NBEA: variants seen among roughly 807,000 people sequenced by gnomAD.
The protein encoded by NBEA is neurobeachin.
In NBEA, 44 loss-of-function variants were observed where a neutral mutation model predicts 343.4. The ratio of observed to expected loss-of-function variants is 0.13; its 90% confidence interval spans 0.10 to 0.16. NBEA has a LOEUF of 0.16. Ranked by LOEUF, NBEA falls within the 10% of genes least tolerant of loss-of-function variation. The pLI is 1.00. For synonymous variants in NBEA, 1,175 were observed against 1,238.7 expected (o/e 0.95, Z 1.08); for missense variants, 2,555 against 3,631.3 (o/e 0.70, Z 7.62).
intron 47 of NBEA, 77 bp from the exon 48 acceptor site, chr13:35,606,346 TTAA>T (rs2082279731): frequency 7.1e-6 from 5 of 706,202 alleles, no homozygotes; most frequent in Non-Finnish European, 1.0e-5. Context: ...CCATTTATAG[TTAA>T]TAAGTTATAA....
intron 5 of NBEA, among the ~76,000 whole-genome samples, chr13:35,049,968 A>G (rs1488916093): frequency 2.0e-5 from 3 of 151,840 alleles, no homozygotes; most frequent in Admixed American, 2.0e-4. Context: ...CTGATTGCAA[A>G]TGGTCCTTAA....
intron 30 of NBEA, among the ~76,000 whole-genome samples, chr13:35,188,140 C>CT (rs1185466882): frequency 6.6e-6 from 1 of 151,590 alleles, no homozygotes; most frequent in Non-Finnish European, 1.5e-5. Flanking sequence ...TCATAACTAA[C>CT]TTTTTTTTAG....
intron 34 of NBEA, among the ~76,000 whole-genome samples, chr13:35,272,829 T>A (rs771880857): frequency 6.6e-6 from 1 of 152,086 alleles, no homozygotes; most frequent in Non-Finnish European, 1.5e-5. Context: ...ACGTGCCCAA[T>A]ATAGGAGCAC....
In NBEA at chr13:35,517,363, C is replaced by T. The variant is rs1333821793; in HGVS notation, c.6586-33114C>T. Among the ~76,000 whole-genome samples the T allele has an allele frequency of 3.3e-5, 5 of 152,202 alleles. No homozygotes were observed. In the East Asian group the frequency reaches 9.6e-4, roughly 29 times the overall value. On this transcript the variant is annotated intron_variant, in intron 41 of 58. Transcript: ENST00000379939. The stretch of plus-strand genomic sequence containing the variant: ...CCCAAAGGTACTTCTCTAGTCTTGT[C>T]TTCCTTCTACAGCTCTATATTCTTA...
chr13:35,386,133 G>A (rs2042232841), intron 38 of NBEA, among the ~76,000 whole-genome samples: 1 of 151,972 alleles, frequency 6.6e-6, no homozygotes, highest in Non-Finnish European at 1.5e-5. Context: ...CTGTCAATTT[G>A]GAAGATTTTT....
At chr13:35,589,026 A>G (rs929229424) in intron 46 of NBEA, among the ~76,000 whole-genome samples, 20 of 152,146 alleles carry the variant, frequency 1.3e-4, no homozygotes, top group Admixed American at 5.2e-4. Flanking sequence ...CAAGTGTTGT[A>G]ACTAAAACCA....
intron 2 of NBEA, among the ~76,000 whole-genome samples, chr13:35,041,412 A>G (rs1018968264): frequency 1.9e-4 from 29 of 152,066 alleles, no homozygotes. Context: ...TCTCAGTACC[A>G]TGGAGTGCTA....
intron 1 of NBEA, among the ~76,000 whole-genome samples, chr13:34,956,542 A>C (rs531405034): frequency 3.4e-4 from 51 of 152,230 alleles, no homozygotes; most frequent in African/African-American, 1.2e-3. Context: ...TTGACACATA[A>C]TTGTATGTAT....
At chr13:35,547,804 G>A (rs1181818059) in intron 41 of NBEA, among the ~76,000 whole-genome samples, 3 of 152,038 alleles carry the variant, frequency 2.0e-5, no homozygotes, top group African/African-American at 4.8e-5. Context: ...CAGGAGAATC[G>A]CTTGAACACA....
At position 35,207,450 on chromosome 13, in the gene NBEA, A is replaced by G. The variant is rs547889094; in HGVS notation, c.5367-1250A>G. ...ATCATAAATCTATTTGTAGATGAAT[A>G]AATTCTGTGATGGTTGAGTAAGGTT... On this transcript the variant is annotated intron_variant, in intron 31 of 58. Coordinates refer to ENST00000379939, the MANE Select transcript of NBEA (RefSeq NM_001385012.1). 3.9e-5 allele frequency among the ~76,000 whole-genome samples: 6 copies of G among 152,268 alleles called. No homozygotes were observed. In the South Asian group the frequency reaches 1.2e-3, roughly 32 times the overall value.
Position 35,323,554 on chromosome 13 carries a change from G to T in NBEA, c.5903+13962G>T, listed in dbSNP as rs567154467. The stretch of plus-strand genomic sequence containing the variant: ...CACAGGAAGGGGAACATCACACTCT[G>T]GGGCCTGTTGTGGGGTGGGGGGAGG... On this transcript the variant is annotated intron_variant, in intron 36 of 58. Coordinates refer to ENST00000379939, the MANE Select transcript of NBEA (RefSeq NM_001385012.1). Among the ~76,000 whole-genome samples the T allele has an allele frequency of 1.4e-5, 2 of 140,878 alleles. 1 individual carries two copies. Among genetic ancestry groups the T allele is most frequent in the South Asian group, 4.7e-4 (2 of 4,226 alleles). The allele number at this position is 140,878 out of a possible 152,430, so 92.4% of individuals were successfully genotyped here.
At chr13:35,039,484 G>T (rs947642529) in intron 1 of NBEA, among the ~76,000 whole-genome samples, 3 of 152,250 alleles carry the variant, frequency 2.0e-5, no homozygotes, top group Admixed American at 2.0e-4. Context: ...ATATGAGATT[G>T]TAATGTTTAT....
chr13:34,944,953 G>GT (rs1166457962), intron 1 of NBEA, among the ~76,000 whole-genome samples: 1 of 152,174 alleles, frequency 6.6e-6, no homozygotes, highest in East Asian at 1.9e-4. Flanking sequence ...AACAGATGGG[G>GT]TTTTTTAGAT....
intron 55 of NBEA, among the ~76,000 whole-genome samples, chr13:35,657,417 C>G (rs887384702): frequency 3.3e-5 from 5 of 152,212 alleles, no homozygotes; most frequent in Admixed American, 3.3e-4. Context: ...GTTACCAATT[C>G]TGTTATTAAC....
chr13:35,646,186 C>T (rs2084222577), intron 50 of NBEA, 73 bp from the exon 51 acceptor site: 14 of 1,154,592 alleles, frequency 1.2e-5, no homozygotes, highest in Non-Finnish European at 1.8e-5. Flanking sequence ...GATACACTTG[C>T]GTTGTCAAAG....
At chr13:35,353,628 G>A (rs9315339) in intron 38 of NBEA, among the ~76,000 whole-genome samples, 36,964 of 151,866 alleles carry the variant, frequency 0.24, 6,161 homozygotes, top group African/African-American at 0.48. Flanking sequence ...ATAACCCATG[G>A]CCTCTAACAT....
chr13:35,211,553 G>A (rs1216563451), intron 33 of NBEA, among the ~76,000 whole-genome samples: 2 of 152,084 alleles, frequency 1.3e-5, no homozygotes, highest in Non-Finnish European at 2.9e-5. Flanking sequence ...GGTGGCTCAC[G>A]CCTGTAATCC....
At chr13:35,623,393 T>A (rs984453169) in intron 48 of NBEA, among the ~76,000 whole-genome samples, 5 of 152,178 alleles carry the variant, frequency 3.3e-5, no homozygotes, top group Non-Finnish European at 7.4e-5. Context: ...TTCTTAGATA[T>A]TCATTTAATT....
intron 41 of NBEA, among the ~76,000 whole-genome samples, chr13:35,541,725 G>GGGGT (rs149705241): frequency 4.4e-4 from 64 of 145,230 alleles, no homozygotes; most frequent in Middle Eastern, 3.6e-3. Flanking sequence ...GGTCTGCATG[G>GGGGT]GTGTGTGTGT....
Sources: gnomAD v4.1 joint callset for allele counts (sites outside exome capture counted in the v4.1 genomes callset) on GRCh38, gnomAD v4.1.1 for gene constraint, MANE v1.5 for transcripts, NCBI Gene and HGNC (gene_info 2026-07-23, HGNC 2026-07-21) for gene names.